The following PPP2R2D variants were observed in gnomAD, a reference collection of about 807,000 sequenced individuals.
The protein encoded by PPP2R2D is serine/threonine-protein phosphatase 2A 55 kDa regulatory subunit B delta isoform.
Under a neutral mutation model 31.1 loss-of-function variants are expected in PPP2R2D, and 9 were observed. The observed-to-expected ratio is 0.29, with a 90% CI of 0.17 to 0.51. PPP2R2D has a LOEUF of 0.51. PPP2R2D is among the 20% of genes least tolerant of loss of function. PPP2R2D has a pLI of 0.98. For missense variants in PPP2R2D, 391 were observed against 465.6 expected (o/e 0.84, Z 1.48); for synonymous variants, 179 against 172.6 (o/e 1.04, Z -0.29).
At chr10:131,908,966 G>A (rs954646887) in intron 2 of PPP2R2D, among the ~76,000 whole-genome samples, 1 of 152,194 alleles carries the variant, frequency 6.6e-6, no homozygotes, top group African/African-American at 2.4e-5. Flanking sequence ...TTCAGGAAAC[G>A]CTGTTTGGAC....
rs565690585 is a variant in PPP2R2D, at chr10:131,918,776, C to T, written c.101-15682C>T. On this transcript the variant is annotated intron_variant, in intron 2 of 8. Coordinates refer to ENST00000455566, the MANE Select transcript of PPP2R2D (RefSeq NM_018461.5). ...TAGGGACCTCACACGGGTGGAATGA[C>T]ACAGTGTTTGTAGGGACCTCACGCG... 1.5e-4 allele frequency among the ~76,000 whole-genome samples: 22 copies of T among 143,052 alleles called. 1 individual carries two copies. In the East Asian group the frequency reaches 4.2e-3, roughly 28 times the overall value. The allele number at this position is 143,052 out of a possible 152,430, so 93.8% of individuals were successfully genotyped here.
chr10:131,950,924 T>A (rs2036625144), intron 8 of PPP2R2D, among the ~76,000 whole-genome samples: 1 of 152,182 alleles, frequency 6.6e-6, no homozygotes, highest in Non-Finnish European at 1.5e-5. Context: ...TACATTAAAT[T>A]TTAAACTTCT....
Position 131,958,578 on chromosome 10 carries a change from C to T in PPP2R2D, c.*2615C>T, listed in dbSNP as rs1431900252. ...ATGAAGGGGTATGCTGATCCCCTGT[C>T]CCCCTGTGGGGATGAAGGTGTGTGC... On this transcript the variant is annotated 3_prime_UTR_variant, in exon 9 of 9. Transcript: ENST00000455566. 4.8e-6 allele frequency: 1 copy of T among 207,388 alleles called. No homozygotes were observed. The highest frequency in any genetic ancestry group is 2.5e-5 in the African/African-American group (1 of 39,656). The allele number at this position is 207,388 out of a possible 1,614,324, so 12.8% of individuals were successfully genotyped here.
At chr10:131,938,545 T>G (rs1554896764) in intron 3 of PPP2R2D, among the ~76,000 whole-genome samples, 2 of 152,202 alleles carry the variant, frequency 1.3e-5, no homozygotes, top group Non-Finnish European at 2.9e-5. Flanking sequence ...GCTACTTTCC[T>G]CCTGGTCTTT....
chr10:131,960,866 C>G (rs149944076), downstream of PPP2R2D, among the ~76,000 whole-genome samples: 3 of 152,232 alleles, frequency 2.0e-5, no homozygotes, highest in Non-Finnish European at 4.4e-5. Flanking sequence ...TAGCAGAGGT[C>G]GCATCTTCCC....
intron 2 of PPP2R2D, among the ~76,000 whole-genome samples, chr10:131,918,706 CAG>C (rs1554893638): frequency 1.4e-5 from 2 of 145,078 alleles, no homozygotes. Flanking sequence ...GGTGGAATGA[CAG>C]TGTTTGTAGG....
chr10:131,906,771 A>G (rs1270276559), intron 2 of PPP2R2D, among the ~76,000 whole-genome samples: 23 of 151,324 alleles, frequency 1.5e-4, no homozygotes, highest in East Asian at 3.9e-4. Context: ...AAAAAAAAAA[A>G]AAAGAAAGAA....
Position 131,956,012 on chromosome 10 carries a change from A to G in PPP2R2D, c.*49A>G, listed in dbSNP as rs782414429. The G allele has an allele frequency of 9.4e-6, 13 of 1,381,170 alleles. No individual in the cohort carries two copies. The highest frequency in any genetic ancestry group is 1.2e-5 in the Non-Finnish European group (13 of 1,057,354). 85.6% of individuals were successfully genotyped at this position (1,381,170 alleles called of 1,614,324 possible). A position where few individuals can be genotyped will look rare whatever the true frequency, so the allele number is the denominator to read the frequency against. On this transcript the variant is annotated 3_prime_UTR_variant, in exon 9 of 9. Transcript: ENST00000455566. Reference sequence around the variant, plus strand: ...CTTGTCTTGCATAGTTAAGCCGGACATTTTTCTGTCAGAGAAAAGGCATCA... The same window carrying G: ...CTTGTCTTGCATAGTTAAGCCGGACGTTTTTCTGTCAGAGAAAAGGCATCA...
rs2036571415 is a variant in PPP2R2D at position 131,947,892 on chromosome 10, A to G, written c.1082+101A>G. On this transcript the variant is annotated intron_variant, in intron 8 of 8. Coordinates refer to ENST00000455566, the MANE Select transcript of PPP2R2D (RefSeq NM_018461.5). The surrounding 1 kb of genome is among the most constrained non-coding windows in gnomAD (Gnocchi z 4.3). ...AGCTGTCCTCCAGCGTCAGAGGAGG[A>G]CGCTCATAGGGTGTTGTTTTCCAGA... The G allele has an allele frequency of 9.6e-6, 14 of 1,458,832 alleles. No individual in the cohort carries two copies. Among genetic ancestry groups the G allele is most frequent in the East Asian group, 2.3e-5 (1 of 43,808 alleles). 90.4% of individuals were successfully genotyped at this position (1,458,832 alleles called of 1,614,324 possible).
Position 131,934,542 on chromosome 10 carries a change from A to G in PPP2R2D, c.185A>G (p.Gln62Arg). The G allele has an allele frequency of 1.3e-6, 1 of 779,628 alleles. No individual in the cohort carries two copies. The highest frequency in any genetic ancestry group is 2.4e-6 in the Non-Finnish European group (1 of 417,652). The allele number at this position is 779,628 out of a possible 1,614,324, so 48.3% of individuals were successfully genotyped here. A position where few individuals can be genotyped will look rare whatever the true frequency, so the allele number is the denominator to read the frequency against. ...AAGGGCGGCAGAGTTGTTATTTTTCAGCGTGAACAAGAGGTCAGTAATTTT... is the reference window on the plus strand; with the variant it reads ...AAGGGCGGCAGAGTTGTTATTTTTCGGCGTGAACAAGAGGTCAGTAATTTT... ...GDKGGRVVIF[Q>R]REQENKSRPH... Residue 62 changes from glutamine to arginine, a missense_variant, in exon 3 of 9, where the codon CAG (glutamine) becomes CGG (arginine). Transcript: ENST00000455566.
At chr10:131,937,324 G>T (rs150602961) in intron 3 of PPP2R2D, among the ~76,000 whole-genome samples, 261 of 152,294 alleles carry the variant, frequency 1.7e-3, no homozygotes, top group African/African-American at 5.6e-3. Context: ...CCCACAGAAC[G>T]TATGGGTGTG....
In PPP2R2D at chr10:131,947,614, G is replaced by C. The variant is rs2036565264; in HGVS notation, c.905G>C (p.Ser302Thr). Residue 302 changes from serine to threonine, a missense_variant, in exon 8 of 9, where the codon AGT (serine) becomes ACT (threonine). Ser to Thr is a moderately conservative substitution (Grantham distance 58). This residue lies in a region of PPP2R2D where 123 missense variants were observed against 187.7 expected (regional missense o/e 0.66). Transcript: ENST00000455566. This position sits in a 1 kb window ranked among gnomAD's most constrained non-coding sequence, Gnocchi z 4.3. Reference protein sequence around the residue: ...SSISDVKFSHSGRYMMTRDYL... With the variant: ...SSISDVKFSHTGRYMMTRDYL... ...ATATCCGATGTAAAATTCAGTCATA[G>C]TGGGCGGTACATGATGACCAGAGAC... 8.1e-6 allele frequency: 13 copies of C among 1,614,248 alleles called. No individual in the cohort carries two copies. The highest frequency in any genetic ancestry group is 1.1e-5 in the Non-Finnish European group (13 of 1,180,050).
At chr10:131,936,919 T>C (rs1302323907) in intron 3 of PPP2R2D, among the ~76,000 whole-genome samples, 13 of 152,256 alleles carry the variant, frequency 8.5e-5, no homozygotes, top group African/African-American at 3.1e-4. Flanking sequence ...CCCTTCCCTG[T>C]GGACTTGAGT....
At chr10:131,909,439 T>A (rs952735101) in intron 2 of PPP2R2D, among the ~76,000 whole-genome samples, 1 of 152,092 alleles carries the variant, frequency 6.6e-6, no homozygotes, top group Non-Finnish European at 1.5e-5. Context: ...ATTGGGAAAA[T>A]GGGCTTACTC....
chr10:131,928,396 G>A (rs568234672), intron 2 of PPP2R2D, among the ~76,000 whole-genome samples: 137 of 152,346 alleles, frequency 9.0e-4, no homozygotes, highest in Admixed American at 2.2e-3. Context: ...GAGGACCTGC[G>A]GGAAACTTTC....
intron 5 of PPP2R2D, among the ~76,000 whole-genome samples, chr10:131,942,235 G>A (rs1037518374): frequency 1.6e-4 from 24 of 152,144 alleles, no homozygotes; most frequent in African/African-American, 5.8e-4. Flanking sequence ...CAGCTCACGT[G>A]CTCATTTTGG....
chr10:131,922,170 T>C lies in PPP2R2D; in HGVS notation c.101-12288T>C, dbSNP rs553290533. ...AACGATCACAGCATGATGCAAATAC[T>C]AATTTTCCGAGTAAAACACAATAAA... On this transcript the variant is annotated intron_variant, in intron 2 of 8. Transcript: ENST00000455566. 2.0e-5 allele frequency among the ~76,000 whole-genome samples: 3 copies of C among 152,360 alleles called. No individual in the cohort carries two copies. In the South Asian group the frequency reaches 6.2e-4, roughly 32 times the overall value.
intron 2 of PPP2R2D, among the ~76,000 whole-genome samples, chr10:131,909,639 C>G (rs1431420469): frequency 6.6e-6 from 1 of 152,206 alleles, no homozygotes; most frequent in Non-Finnish European, 1.5e-5. Context: ...CTACAGAAAA[C>G]AGGCAGCTGG....
downstream of PPP2R2D, among the ~76,000 whole-genome samples, chr10:131,962,322 C>G (rs1250126887): frequency 6.6e-6 from 1 of 152,168 alleles, no homozygotes; most frequent in East Asian, 1.9e-4. Context: ...CCTAAGAAAG[C>G]TCTCCAGCTC....
Sources: gnomAD v4.1 joint callset for allele counts (sites outside exome capture counted in the v4.1 genomes callset) on GRCh38, gnomAD v4.1.1 for gene constraint, gnomAD v4.1.1 regional missense constraint, Gnocchi (gnomAD v3.1) non-coding constraint, MANE v1.5 for transcripts, NCBI Gene and HGNC (gene_info 2026-07-23, HGNC 2026-07-21) for gene names.